Variants in SH3PXD2A observed in about 807,000 individuals in gnomAD.
SH3PXD2A encodes the protein SH3 and PX domains 2A, also known as SH3 and PX domain-containing protein 2A.
Under a neutral mutation model 115.2 loss-of-function variants are expected in SH3PXD2A, and 32 were observed. That is an observed-to-expected ratio of 0.28 (90% CI 0.21 to 0.37). The LOEUF (loss-of-function observed/expected upper bound fraction) is 0.37. Ranked by LOEUF, SH3PXD2A falls within the 10% of genes least tolerant of loss-of-function variation. SH3PXD2A has a pLI of 1.00. For synonymous variants in SH3PXD2A, 610 were observed against 629.1 expected (o/e 0.97, Z 0.45); for missense variants, 1,328 against 1,498.7 (o/e 0.89, Z 1.88).
At chr10:103,822,824 C>A (rs1564897940) in intron 1 of SH3PXD2A, among the ~76,000 whole-genome samples, 1 of 152,196 alleles carries the variant, frequency 6.6e-6, no homozygotes, top group Non-Finnish European at 1.5e-5. Context: ...AGAAGAAATA[C>A]ATATGGCTAA....
intron 2 of SH3PXD2A, among the ~76,000 whole-genome samples, chr10:103,776,589 C>T (rs572532751): frequency 2.0e-5 from 3 of 152,122 alleles, no homozygotes; most frequent in Admixed American, 6.5e-5. Flanking sequence ...AAGGTATGGG[C>T]AGGTTGGTTC....
chr10:103,779,811 G>C (rs1017168867), intron 2 of SH3PXD2A, among the ~76,000 whole-genome samples: 24 of 152,224 alleles, frequency 1.6e-4, no homozygotes, highest in Middle Eastern at 3.4e-3. Context: ...TTTCCTCCTG[G>C]GGGTCTCTAG....
chr10:103,801,728 G>C (rs1242270459), intron 1 of SH3PXD2A, among the ~76,000 whole-genome samples: 1 of 152,172 alleles, frequency 6.6e-6, no homozygotes, highest in Non-Finnish European at 1.5e-5. Flanking sequence ...TTTTGAGACA[G>C]AGTCTCATTC....
In SH3PXD2A at chr10:103,603,048, A is replaced by C; in HGVS notation, c.2170T>G (p.Ser724Ala). Reference sequence around the variant, plus strand: ...GGAGTGCCGCGGATGCCTGCGTCCGAAGCAGAGCGGGGCTTCAGGTCGCCA... The same window carrying C: ...GGAGTGCCGCGGATGCCTGCGTCCGCAGCAGAGCGGGGCTTCAGGTCGCCA... ...TSGDLKPRSA[S>A]DAGIRGTPKV... The change falls in exon 15 of 15, where the codon TCG becomes GCG. Residue 724 changes from serine (S) to alanine (A), a missense_variant. Ser to Ala is a moderately conservative substitution (Grantham distance 99). Around this residue, in one of 5 missense-constraint regions of SH3PXD2A, gnomAD observed 574 missense variants for 565.7 expected, o/e 1.01. Coordinates refer to ENST00000369774, the MANE Select transcript of SH3PXD2A (RefSeq NM_001394015.1). The C allele has an allele frequency of 6.2e-7, 1 of 1,613,914 alleles. No individual in the cohort carries two copies. The highest frequency in any genetic ancestry group is 1.1e-5 in the South Asian group (1 of 91,076).
chr10:103,623,094 C>T (rs1229697658), intron 9 of SH3PXD2A, among the ~76,000 whole-genome samples: 2 of 152,232 alleles, frequency 1.3e-5, no homozygotes, highest in South Asian at 2.1e-4. Context: ...TGAGAGCTCT[C>T]GCCATTCTGG....
At chr10:103,753,004 T>C (rs764526991) in intron 3 of SH3PXD2A, among the ~76,000 whole-genome samples, 15 of 152,110 alleles carry the variant, frequency 9.9e-5, no homozygotes, top group Non-Finnish European at 4.4e-5. Flanking sequence ...AAGGACAACA[T>C]TGATCAACCT....
At chr10:103,608,167 A>AAGTTTACAAAAAAAAAAAAAAAC (rs2036361079) in intron 13 of SH3PXD2A, among the ~76,000 whole-genome samples, 1 of 139,298 alleles carries the variant, frequency 7.2e-6, no homozygotes. Context: ...AAAAAAAAAA[A>AAGTTTACAAAAAAAAAAAAAAAC]AAAGAACACA....
chr10:103,692,221 C>A (rs1261391115), intron 6 of SH3PXD2A, among the ~76,000 whole-genome samples: 1 of 152,242 alleles, frequency 6.6e-6, no homozygotes, highest in East Asian at 1.9e-4. Flanking sequence ...TACAGCCCGC[C>A]CACATCCAGG....
intron 1 of SH3PXD2A, among the ~76,000 whole-genome samples, chr10:103,838,132 T>G (rs2039563685): frequency 6.6e-6 from 1 of 152,198 alleles, no homozygotes. Flanking sequence ...ACACTCGCCC[T>G]TCCTCTAGAA....
Position 103,782,965 on chromosome 10 carries a change from T to C in SH3PXD2A, c.154-15796A>G, listed in dbSNP as rs1589452803. 4.1e-5 allele frequency among the ~76,000 whole-genome samples: 6 copies of C among 146,008 alleles called. No individual in the cohort carries two copies. In the South Asian group the frequency reaches 1.3e-3, roughly 31 times the overall value. On this transcript the variant is annotated intron_variant, in intron 2 of 14. Coordinates refer to ENST00000369774, the MANE Select transcript of SH3PXD2A (RefSeq NM_001394015.1). Reference sequence around the variant, plus strand: ...GGGGGCTCTCTGATTCTATGAGAGGTGCCATGTGAGCTGAGGCTGAGTGCC... The same window carrying C: ...GGGGGCTCTCTGATTCTATGAGAGGCGCCATGTGAGCTGAGGCTGAGTGCC...
Position 103,801,370 on chromosome 10 carries a change from A to G in SH3PXD2A, c.73-8T>C, listed in dbSNP as rs538690382. On this transcript the variant is annotated splice_region_variant and splice_polypyrimidine_tract_variant and intron_variant, in intron 1 of 14. Coordinates refer to ENST00000369774, the MANE Select transcript of SH3PXD2A (RefSeq NM_001394015.1). ...CACATTGATTATGTATACCTGTGGG[A>G]AAAAGGTAAGAGCAGGTGAGCAAGG... is the stretch of plus-strand genomic sequence containing the variant. 2.3e-5 allele frequency: 36 copies of G among 1,575,890 alleles called. No homozygotes were observed. In the Admixed American group the frequency reaches 2.8e-4, roughly 12 times the overall value.
At chr10:103,654,022 G>A (rs1238254322) in intron 8 of SH3PXD2A, among the ~76,000 whole-genome samples, 1 of 151,890 alleles carries the variant, frequency 6.6e-6, no homozygotes, top group Non-Finnish European at 1.5e-5. Flanking sequence ...CGCTCTGCCT[G>A]TCTAATCCCT....
intron 2 of SH3PXD2A, among the ~76,000 whole-genome samples, chr10:103,793,817 G>A (rs1234026862): frequency 1.3e-5 from 2 of 152,218 alleles, no homozygotes; most frequent in Admixed American, 6.5e-5. Flanking sequence ...GAGTGCCTGC[G>A]GAAGAGACAT....
At chr10:103,653,826 C>T (rs1449492175) in intron 8 of SH3PXD2A, among the ~76,000 whole-genome samples, 1 of 152,144 alleles carries the variant, frequency 6.6e-6, no homozygotes, top group Non-Finnish European at 1.5e-5. Flanking sequence ...GCCTGCCACC[C>T]TCCTCCCCAC....
chr10:103,607,616 C>A (rs867487244), intron 13 of SH3PXD2A, among the ~76,000 whole-genome samples: 1 of 152,138 alleles, frequency 6.6e-6, no homozygotes, highest in Non-Finnish European at 1.5e-5. Context: ...CAGTGAGGAG[C>A]CCCTCTGCCC....
chr10:103,601,703 G>A lies in SH3PXD2A; in HGVS notation c.*113C>T. On this transcript the variant is annotated 3_prime_UTR_variant, in exon 15 of 15. Transcript: ENST00000369774. The stretch of plus-strand genomic sequence containing the variant: ...CACCCATTCTGCAGTGTTGAATGTT[G>A]TCCACCCCCCACCCCCCACCCCCAT... 1 of 248,252 alleles carries A rather than the reference G, an allele frequency of 4.0e-6. No individual in the cohort carries two copies. The highest frequency in any genetic ancestry group is 8.1e-6 in the Non-Finnish European group (1 of 122,846). The allele number at this position is 248,252 out of a possible 1,614,324, so 15.4% of individuals were successfully genotyped here.
intron 8 of SH3PXD2A, among the ~76,000 whole-genome samples, chr10:103,658,594 A>G (rs1334848878): frequency 1.3e-5 from 2 of 152,134 alleles, no homozygotes; most frequent in South Asian, 2.1e-4. Flanking sequence ...GGCTGGATGT[A>G]TACTCCAGGC....
At chr10:103,661,442 G>C (rs1306324278) in intron 7 of SH3PXD2A, among the ~76,000 whole-genome samples, 2 of 152,232 alleles carry the variant, frequency 1.3e-5, no homozygotes, top group Non-Finnish European at 2.9e-5. Context: ...GCTGCGATGA[G>C]TTAGTCACAG....
chr10:103,760,441 G>A (rs1012513594), intron 3 of SH3PXD2A, among the ~76,000 whole-genome samples: 5 of 152,014 alleles, frequency 3.3e-5, no homozygotes, highest in Non-Finnish European at 7.4e-5. Context: ...ATGGTGGCAC[G>A]CAACTGTAGT....
Sources: gnomAD v4.1 joint callset for allele counts (sites outside exome capture counted in the v4.1 genomes callset) on GRCh38, gnomAD v4.1.1 for gene constraint, gnomAD v4.1.1 regional missense constraint, MANE v1.5 for transcripts, NCBI Gene and HGNC (gene_info 2026-07-23, HGNC 2026-07-21) for gene names.